The following FANCB variants were observed in gnomAD, a reference collection of about 807,000 sequenced individuals.
FANCB encodes Fanconi anemia group B protein.
FANCB carries 5 observed loss-of-function variants against 38.9 expected under a neutral mutation model. The ratio of observed to expected loss-of-function variants is 0.13; its 90% CI spans 0.07 to 0.27. The LOEUF (loss-of-function observed/expected upper bound fraction) is 0.27, where lower values mean the gene tolerates loss of function less well. FANCB is among the 10% of genes least tolerant of loss of function. The pLI is 1.00. For synonymous variants in FANCB, 236 were observed against 215.4 expected, an observed-to-expected ratio of 1.10 and a Z score of -0.84; for missense variants, 573 against 602.7, an observed-to-expected ratio of 0.95 and a Z score of 0.52.
the FANCB span, among the ~76,000 whole-genome samples, chrX:14,706,824 A>G: frequency 8.9e-6 from 1 of 112,199 alleles, no homozygotes; most frequent in Non-Finnish European, 1.9e-5. Flanking sequence ...ATAATTCTAA[A>G]TAGTCATACA....
the FANCB span, among the ~76,000 whole-genome samples, chrX:14,734,495 T>G: frequency 1.8e-5 from 2 of 111,775 alleles, no homozygotes; most frequent in East Asian, 5.6e-4. Context: ...TTAGTTTGGC[T>G]GGATACGAAA....
chrX:14,793,072 T>C, the FANCB span, among the ~76,000 whole-genome samples: 1 of 112,361 alleles, frequency 8.9e-6, no homozygotes, highest in African/African-American at 3.2e-5. Flanking sequence ...ATTTACCTAA[T>C]GGAATTTATC....
chrX:14,792,363 G>A, the FANCB span, among the ~76,000 whole-genome samples: 1 of 110,646 alleles, frequency 9.0e-6, no homozygotes, highest in African/African-American at 3.3e-5. Flanking sequence ...CCCTACTTTG[G>A]TTAGAACCTG....
the FANCB span, among the ~76,000 whole-genome samples, chrX:14,697,448 T>C: frequency 8.9e-6 from 1 of 111,934 alleles, no homozygotes; most frequent in African/African-American, 3.3e-5. Context: ...AGTTCTCACC[T>C]TAACACATGG....
the FANCB span, among the ~76,000 whole-genome samples, chrX:14,766,226 T>C: frequency 8.9e-6 from 1 of 112,586 alleles, no homozygotes; most frequent in South Asian, 3.7e-4. Flanking sequence ...ATTTCTACTA[T>C]GAAAATATTT....
At chrX:14,863,257 T>C (rs762768119) in intron 3 of FANCB, among the ~76,000 whole-genome samples, 2 of 112,237 alleles carry the variant, frequency 1.8e-5, no homozygotes, top group African/African-American at 6.5e-5. Context: ...ATATTCCACA[T>C]AGAGGTGATA....
the FANCB span, among the ~76,000 whole-genome samples, chrX:14,785,685 T>C: frequency 8.9e-6 from 1 of 112,080 alleles, no homozygotes; most frequent in Non-Finnish European, 1.9e-5. Flanking sequence ...CTTTGGGGTA[T>C]AGTCCCCCTT....
chrX:14,867,964 A>G (rs1211434367), intron 2 of FANCB, among the ~76,000 whole-genome samples: 2 of 111,536 alleles, frequency 1.8e-5, no homozygotes, highest in Non-Finnish European at 3.8e-5. Flanking sequence ...AAAATGCTCA[A>G]TATCACTAAT....
chrX:14,870,692 C>G (rs1318189541), intron 1 of FANCB, among the ~76,000 whole-genome samples: 3 of 111,260 alleles, frequency 2.7e-5, no homozygotes, highest in South Asian at 7.5e-4. Context: ...TTACTGCCCC[C>G]CCTCTTAATA....
chrX:14,870,828 CTA>C (rs749677309), intron 1 of FANCB, among the ~76,000 whole-genome samples: 40 of 111,462 alleles, frequency 3.6e-4, no homozygotes, highest in African/African-American at 1.2e-3. Context: ...TCCAAAAAGT[CTA>C]AGAAACCATA....
At chrX:14,830,797 T>C in the FANCB span, among the ~76,000 whole-genome samples, 3 of 112,083 alleles carry the variant, frequency 2.7e-5, no homozygotes, top group African/African-American at 9.7e-5. Flanking sequence ...CGCTGATGGA[T>C]GCCCATCCAT....
chrX:14,691,330 CGT>C, the FANCB span, among the ~76,000 whole-genome samples: 3,140 of 63,815 alleles, frequency 0.049, 120 homozygotes, highest in African/African-American at 0.14. Flanking sequence ...TGTGTGCGCG[CGT>C]GCGTGCGTGT....
At chrX:14,778,872 C>G in the FANCB span, among the ~76,000 whole-genome samples, 2 of 112,314 alleles carry the variant, frequency 1.8e-5, no homozygotes, top group Non-Finnish European at 3.8e-5. Context: ...ATTGAGATTT[C>G]TTTTACCACT....
the FANCB span, among the ~76,000 whole-genome samples, chrX:14,698,273 G>A: frequency 9.0e-6 from 1 of 111,511 alleles, no homozygotes; most frequent in Admixed American, 9.5e-5. Flanking sequence ...TTGCCCCTGA[G>A]GCCTCACTTG....
chrX:14,845,370 T>TA (rs1256854930), intron 7 of FANCB, 84 bp from the exon 8 acceptor site: 276 of 705,810 alleles, frequency 3.9e-4, no homozygotes, highest in East Asian at 7.8e-4. Flanking sequence ...CAAACAACAG[T>TA]AAAAAATGTT....
chrX:14,729,218 TAA>T, the FANCB span, among the ~76,000 whole-genome samples: 1 of 112,142 alleles, frequency 8.9e-6, no homozygotes, highest in Non-Finnish European at 1.9e-5. Flanking sequence ...TCTGGCAAGA[TAA>T]AGAGTTTAGT....
At chrX:14,868,769 A>G (rs748826767) in intron 2 of FANCB, among the ~76,000 whole-genome samples, 154 bp downstream of exon 2, 1 of 112,446 alleles carries the variant, frequency 8.9e-6, no homozygotes, top group Non-Finnish European at 1.9e-5. Context: ...AAGAAAGGAT[A>G]CATTCATGAG....
chrX:14,738,525 T>C, the FANCB span, among the ~76,000 whole-genome samples: 3 of 112,125 alleles, frequency 2.7e-5, no homozygotes, highest in African/African-American at 9.7e-5. Context: ...AAGGAGGATA[T>C]GCTGTGCCTA....
the FANCB span, among the ~76,000 whole-genome samples, chrX:14,727,691 T>G: frequency 8.9e-6 from 1 of 112,723 alleles, no homozygotes; most frequent in African/African-American, 3.2e-5. Flanking sequence ...ATTCATATTT[T>G]TAAGGCAAAG....
Sources: gnomAD v4.1 joint callset for allele counts (sites outside exome capture counted in the v4.1 genomes callset) on GRCh38, gnomAD v4.1.1 for gene constraint, MANE v1.5 for transcripts, NCBI Gene and HGNC (gene_info 2026-07-23, HGNC 2026-07-21) for gene names.